The following OR2L13 variants were observed in gnomAD, a reference collection of about 807,000 sequenced individuals.
OR2L13 encodes the protein olfactory receptor 2L13.
Under a neutral mutation model 15.3 loss-of-function variants are expected in OR2L13, and 14 were observed. The observed-to-expected ratio is 0.91, with a 90% CI of 0.60 to 1.43. The LOEUF is 1.43. Among genes scored for constraint, OR2L13 ranks in the 40% most tolerant of loss-of-function variants. The probability of loss-of-function intolerance (pLI) is 0.00; values close to 1 mark genes in which losing one functional copy is unlikely to be tolerated. For synonymous variants in OR2L13, 152 were observed against 142.9 expected, an observed-to-expected ratio of 1.06 and a Z score of -0.45; for missense variants, 367 against 387.9, an observed-to-expected ratio of 0.95 and a Z score of 0.45.
chr1:248,094,824 G>A (rs1224399554), upstream of OR2L13, among the ~76,000 whole-genome samples: 4 of 152,252 alleles, frequency 2.6e-5, no homozygotes, highest in Non-Finnish European at 4.4e-5. Context: ...TTACTGAGTC[G>A]AGTACTTGTA....
the OR2L13 span, among the ~76,000 whole-genome samples, chr1:247,984,890 C>T: frequency 1.3e-5 from 2 of 152,118 alleles, no homozygotes; most frequent in African/African-American, 4.8e-5. Flanking sequence ...TTCTCCCTGT[C>T]TCCCTTCTGC....
intron 1 of OR2L13, among the ~76,000 whole-genome samples, chr1:248,098,353 G>A (rs1340841261): frequency 6.6e-6 from 1 of 152,138 alleles, no homozygotes; most frequent in Non-Finnish European, 1.5e-5. Context: ...TCATAATGAT[G>A]GTTTTCATGT....
chr1:248,096,496 A>AT (rs1664745022), upstream of OR2L13, among the ~76,000 whole-genome samples: 1 of 152,152 alleles, frequency 6.6e-6, no homozygotes, highest in South Asian at 2.1e-4. Flanking sequence ...TAATAAAAAC[A>AT]TTTTCTCAGG....
At chr1:248,010,703 C>A in the OR2L13 span, among the ~76,000 whole-genome samples, 1 of 136,016 alleles carries the variant, frequency 7.4e-6, no homozygotes, top group Non-Finnish European at 1.6e-5. Context: ...CTCTTTTGAT[C>A]TTTGTTGGTT....
the OR2L13 span, chr1:247,949,086 G>T: frequency 6.2e-7 from 1 of 1,613,862 alleles, no homozygotes; most frequent in Non-Finnish European, 8.5e-7. Context: ...CTCCACCATT[G>T]TTCCTAAGAT....
At chr1:247,975,826 A>T in the OR2L13 span, among the ~76,000 whole-genome samples, 1 of 152,128 alleles carries the variant, frequency 6.6e-6, no homozygotes, top group Non-Finnish European at 1.5e-5. Context: ...TAAGACATCT[A>T]TGTTGTTTTG....
At chr1:247,975,419 G>A in the OR2L13 span, 1 of 694,244 alleles carries the variant, frequency 1.4e-6, no homozygotes, top group East Asian at 2.8e-5. Flanking sequence ...GCAGAAGGGA[G>A]GAAGAAGGCC....
At chr1:248,092,474 G>A (rs568609959), upstream of OR2L13, among the ~76,000 whole-genome samples, 1 of 152,262 alleles carries the variant, frequency 6.6e-6, no homozygotes, top group African/African-American at 2.4e-5. Context: ...CAGGAAAACA[G>A]TAAGAATATA....
chr1:247,967,846 C>T, the OR2L13 span, among the ~76,000 whole-genome samples: 51 of 148,238 alleles, frequency 3.4e-4, no homozygotes, highest in African/African-American at 1.3e-3. Context: ...CCTCCTCTTC[C>T]TCCTTCTCCT....
the OR2L13 span, chr1:248,084,490 G>A: frequency 6.2e-7 from 1 of 1,612,864 alleles, no homozygotes; most frequent in Non-Finnish European, 8.5e-7. Flanking sequence ...GCCAAACAGG[G>A]AGGTCAAAAC....
chr1:248,038,809 C>T, the OR2L13 span: 5 of 1,614,114 alleles, frequency 3.1e-6, no homozygotes, highest in Middle Eastern at 1.6e-4. Flanking sequence ...TGTGATGTTC[C>T]AGCTATGTTG....
the OR2L13 span, among the ~76,000 whole-genome samples, chr1:247,973,847 A>G: frequency 6.6e-6 from 1 of 152,226 alleles, no homozygotes; most frequent in Non-Finnish European, 1.5e-5. Context: ...AAATTAGTTC[A>G]ACCATTGTGG....
the OR2L13 span, among the ~76,000 whole-genome samples, chr1:247,993,807 G>GAGAAAGAA: frequency 4.6e-5 from 6 of 129,076 alleles, no homozygotes; most frequent in South Asian, 9.2e-4. Context: ...GAGAGAGAGA[G>GAGAAAGAA]AGAGAAAGAA....
At chr1:247,990,424 A>T in the OR2L13 span, 1 of 1,584,638 alleles carries the variant, frequency 6.3e-7, no homozygotes, top group South Asian at 1.1e-5. Context: ...TTGGACATCC[A>T]TCTCCACACA....
the OR2L13 span, among the ~76,000 whole-genome samples, chr1:248,068,178 A>C: frequency 7.6e-3 from 1,159 of 152,218 alleles, 20 homozygotes; most frequent in African/African-American, 0.025. Flanking sequence ...GATCTGAGAA[A>C]GGGCAGACTG....
At chr1:247,965,931 A>G in the OR2L13 span, 94 of 1,610,890 alleles carry the variant, frequency 5.8e-5, no homozygotes, top group African/African-American at 1.1e-3. Flanking sequence ...CAGCTCTACT[A>G]TCATTGGTGT....
the OR2L13 span, among the ~76,000 whole-genome samples, chr1:248,015,317 G>A: frequency 1.3e-5 from 2 of 152,162 alleles, no homozygotes; most frequent in Non-Finnish European, 2.9e-5. Flanking sequence ...GGAATCTCCT[G>A]TAGGATTCCA....
At chr1:247,968,342 T>C in the OR2L13 span, among the ~76,000 whole-genome samples, 1 of 152,054 alleles carries the variant, frequency 6.6e-6, no homozygotes. Context: ...GACATTTTTA[T>C]TTATTTATTT....
At chr1:248,075,188 CA>C in the OR2L13 span, among the ~76,000 whole-genome samples, 1 of 152,186 alleles carries the variant, frequency 6.6e-6, no homozygotes, top group Non-Finnish European at 1.5e-5. Context: ...CATGTCCCTG[CA>C]AAGGACATGA....
Sources: gnomAD v4.1 joint callset for allele counts (sites outside exome capture counted in the v4.1 genomes callset) on GRCh38, gnomAD v4.1.1 for gene constraint, MANE v1.5 for transcripts, NCBI Gene and HGNC (gene_info 2026-07-23, HGNC 2026-07-21) for gene names.